THAP5: variants seen among roughly 807,000 people sequenced by gnomAD.
THAP5 encodes THAP domain-containing protein 5.
In THAP5, 26 loss-of-function variants were observed where a neutral mutation model predicts 34.0. That is an observed-to-expected ratio of 0.77 (90% CI 0.56 to 1.06). The LOEUF (loss-of-function observed/expected upper bound fraction) is 1.06, where lower values mean the gene tolerates loss of function less well. THAP5 is among the 50% of genes least tolerant of loss of function. The probability of loss-of-function intolerance (pLI) is 0.00; values close to 1 mark genes in which losing one functional copy is unlikely to be tolerated. For missense variants in THAP5, 394 were observed against 452.8 expected (o/e 0.87, Z 1.18); for synonymous variants, 125 against 153.0 (o/e 0.82, Z 1.35).
chr7:108,560,773 C>T (rs566654363), downstream of THAP5, among the ~76,000 whole-genome samples: 29 of 152,350 alleles, frequency 1.9e-4, no homozygotes, highest in Non-Finnish European at 3.4e-4. Context: ...CAGGGTCTCA[C>T]TCTGTTGCCC....
At chr7:108,555,202 G>A (rs999597110) in intron 1 of THAP5, among the ~76,000 whole-genome samples, 1 of 148,036 alleles carries the variant, frequency 6.8e-6, no homozygotes, top group Admixed American at 6.7e-5. Context: ...TTTTGCTTTT[G>A]TTGCCCTGGG....
At chr7:108,551,022 T>G (rs1447017811), downstream of THAP5, among the ~76,000 whole-genome samples, 2 of 152,196 alleles carry the variant, frequency 1.3e-5, no homozygotes, top group African/African-American at 4.8e-5. Flanking sequence ...CATTTTAAAT[T>G]ACTAGAGCTC....
chr7:108,566,461 AAT>A (rs1312026425), intron 1 of THAP5, among the ~76,000 whole-genome samples: 2 of 152,248 alleles, frequency 1.3e-5, no homozygotes, highest in African/African-American at 4.8e-5. Flanking sequence ...TGTTGTCTAT[AAT>A]TCAAGGCAGT....
downstream of THAP5, among the ~76,000 whole-genome samples, chr7:108,553,959 T>A (rs1424470400): frequency 6.6e-6 from 1 of 152,160 alleles, no homozygotes; most frequent in East Asian, 1.9e-4. Context: ...GAATGTGTCC[T>A]TCAAAGAGCA....
downstream of THAP5, among the ~76,000 whole-genome samples, chr7:108,560,745 A>G (rs1356701101): frequency 6.6e-6 from 1 of 152,104 alleles, no homozygotes; most frequent in Non-Finnish European, 1.5e-5. Context: ...CTGTACTGCA[A>G]CTTTTTTTCT....
At chr7:108,553,213 T>A (rs1864364792), downstream of THAP5, among the ~76,000 whole-genome samples, 1 of 146,776 alleles carries the variant, frequency 6.8e-6, no homozygotes, top group African/African-American at 2.5e-5. Context: ...CTCTCTTAAA[T>A]TTTTTTTTTT....
the THAP5 span, among the ~76,000 whole-genome samples, chr7:108,544,513 A>G: frequency 6.6e-6 from 1 of 151,770 alleles, no homozygotes; most frequent in Non-Finnish European, 1.5e-5. Flanking sequence ...CCTGGGTGAC[A>G]GAGCAAGACT....
chr7:108,554,379 G>T (rs531762362), downstream of THAP5, among the ~76,000 whole-genome samples: 131 of 152,222 alleles, frequency 8.6e-4, no homozygotes, highest in Non-Finnish European at 1.5e-3. Flanking sequence ...TTCAAGATGA[G>T]CTGCATTGAG....
chr7:108,542,558 G>A, the THAP5 span, among the ~76,000 whole-genome samples: 1 of 152,146 alleles, frequency 6.6e-6, no homozygotes, highest in Admixed American at 6.5e-5. Context: ...CACCTCCTGG[G>A]TTCAAGCGAT....
At chr7:108,555,696 CTTTTTCTTTTTTT>C (rs1358646602) in intron 1 of THAP5, among the ~76,000 whole-genome samples, 1 of 128,430 alleles carries the variant, frequency 7.8e-6, no homozygotes, top group Admixed American at 9.2e-5. Context: ...AAGCAAGCAC[CTTTTTCTTTTTTT>C]TTTTTTTTTT....
chr7:108,547,019 G>C, the THAP5 span, among the ~76,000 whole-genome samples: 2 of 152,172 alleles, frequency 1.3e-5, no homozygotes, highest in Admixed American at 1.3e-4. Flanking sequence ...AAGTTGATAT[G>C]CTGAAGGGTG....
downstream of THAP5, among the ~76,000 whole-genome samples, chr7:108,560,801 C>G (rs919728427): frequency 1.3e-5 from 2 of 152,076 alleles, no homozygotes; most frequent in Non-Finnish European, 2.9e-5. Flanking sequence ...CGTGCAGTGG[C>G]GCAGTCATGG....
rs1790394435 is a variant in THAP5, at chr7:108,563,172, T to A, written c.*1019A>T. ...TACCGAAATACATATTCTTTCAAGT[T>A]TGAAGTACCTCTCCTAAGAACTGGG... On this transcript the variant is annotated 3_prime_UTR_variant, in exon 3 of 3. Coordinates refer to ENST00000415914, the MANE Select transcript of THAP5 (RefSeq NM_001130475.3). 6.6e-6 allele frequency: 1 copy of A among 152,204 alleles called. No homozygotes were observed. The highest frequency in any genetic ancestry group is 1.5e-5 in the Non-Finnish European group (1 of 68,028). 9.4% of individuals were successfully genotyped at this position (152,204 alleles called of 1,614,324 possible).
chr7:108,543,034 C>T, the THAP5 span, among the ~76,000 whole-genome samples: 2 of 152,084 alleles, frequency 1.3e-5, no homozygotes, highest in East Asian at 1.9e-4. Context: ...TCAAGCAATT[C>T]GCCTGCCTGA....
the THAP5 span, among the ~76,000 whole-genome samples, chr7:108,546,664 A>G: frequency 2.0e-5 from 3 of 152,188 alleles, no homozygotes; most frequent in East Asian, 5.8e-4. Flanking sequence ...TCCATTCTCT[A>G]TTCTTAATAG....
intron 1 of THAP5, 92 bp from the exon 2 acceptor site, chr7:108,566,114 T>G: frequency 9.3e-7 from 1 of 1,079,444 alleles, no homozygotes; most frequent in South Asian, 1.7e-5. Context: ...CTGGGTAACC[T>G]ATGCATCAAG....
downstream of THAP5, among the ~76,000 whole-genome samples, chr7:108,549,686 A>C (rs935453522): frequency 3.9e-5 from 6 of 152,210 alleles, no homozygotes; most frequent in Non-Finnish European, 8.8e-5. Context: ...TGCACATTTC[A>C]TGTCAATATT....
intron 1 of THAP5, among the ~76,000 whole-genome samples, chr7:108,567,358 T>C (rs1790507343): frequency 6.6e-6 from 1 of 152,240 alleles, no homozygotes; most frequent in Non-Finnish European, 1.5e-5. Context: ...TTCATTTCTT[T>C]TGTTACAACT....
downstream of THAP5, among the ~76,000 whole-genome samples, chr7:108,552,069 G>C (rs1215946686): frequency 6.6e-6 from 1 of 152,098 alleles, no homozygotes; most frequent in Non-Finnish European, 1.5e-5. Context: ...GTGGGGTGGG[G>C]GTTGGAGCTC....
Sources: allele counts gnomAD v4.1 joint callset (sites outside exome capture counted in the v4.1 genomes callset), GRCh38; gene constraint gnomAD v4.1.1; transcripts MANE v1.5; gene names NCBI Gene and HGNC (gene_info 2026-07-23, HGNC 2026-07-21).